CCDC138: variants seen among roughly 807,000 people sequenced by gnomAD.
CCDC138 encodes coiled-coil domain-containing protein 138.
CCDC138 carries 66 observed loss-of-function variants against 82.3 expected under a neutral mutation model. The ratio of observed to expected loss-of-function variants is 0.80; its 90% CI spans 0.66 to 0.98. The LOEUF (loss-of-function observed/expected upper bound fraction) is 0.98, where lower values mean the gene tolerates loss of function less well. CCDC138 is among the 50% of genes least tolerant of loss of function. The pLI is 0.00. For synonymous variants in CCDC138, 297 were observed against 265.4 expected (o/e 1.12, Z -1.16); for missense variants, 816 against 758.9 (o/e 1.08, Z -0.88).
rs544133837 is a variant in CCDC138, at chr2:108,855,493, A to G, written c.1517-1301A>G. 2.6e-5 allele frequency among the ~76,000 whole-genome samples: 4 copies of G among 152,274 alleles called. No individual in the cohort carries two copies. The East Asian group carries it at 7.7e-4, about 29-fold the overall frequency. ...CTTCTACCTGTGGTGTTGCTAAAAA[A>G]AAAAAAAGGATGTTTCTAAATAAGG... On this transcript the variant is annotated intron_variant, in intron 12 of 14. Coordinates refer to ENST00000295124, the MANE Select transcript of CCDC138 (RefSeq NM_144978.3).
At position 108,808,614 on chromosome 2, in the gene CCDC138, TA is replaced by T. The variant is rs1380700639; in HGVS notation, c.855+3607del. 8.5e-5 allele frequency among the ~76,000 whole-genome samples: 13 copies of T among 152,354 alleles called. No individual in the cohort carries two copies. The East Asian group carries it at 2.5e-3, about 29-fold the overall frequency. Reference sequence around the variant, plus strand: ...TTTGCATTAACCTGATGATTAGTGATATTGAGCATTTTTTCATATACCTGTT... The same window carrying T: ...TTTGCATTAACCTGATGATTAGTGATTTGAGCATTTTTTCATATACCTGTT... On this transcript the variant is annotated intron_variant, in intron 7 of 14. Coordinates refer to ENST00000295124, the MANE Select transcript of CCDC138 (RefSeq NM_144978.3).
Position 108,786,814 on chromosome 2 carries a change from C to T in CCDC138, c.-9C>T. 1 of 1,584,982 alleles carries T rather than the reference C, an allele frequency of 6.3e-7. No homozygotes were observed. Among genetic ancestry groups the T allele is most frequent in the Non-Finnish European group, 8.6e-7 (1 of 1,166,474 alleles). ...GTTCCCGGGGAGACTGGTACGGTTG[C>T]TGTGTGCTATGGAGCCGAGGGTCGT... On this transcript the variant is annotated 5_prime_UTR_variant, in exon 1 of 15. Coordinates refer to ENST00000295124, the MANE Select transcript of CCDC138 (RefSeq NM_144978.3).
chr2:108,833,754 G>A (rs975193673), intron 10 of CCDC138, among the ~76,000 whole-genome samples: 5 of 138,710 alleles, frequency 3.6e-5, no homozygotes, highest in Non-Finnish European at 7.6e-5. Context: ...TTGAGACGGA[G>A]TCTTGCTTTG....
intron 5 of CCDC138, among the ~76,000 whole-genome samples, chr2:108,797,671 G>A (rs1212384214): frequency 6.6e-6 from 1 of 152,078 alleles, no homozygotes; most frequent in Non-Finnish European, 1.5e-5. Flanking sequence ...TTTTAATGAG[G>A]GAAGGAGAAG....
chr2:108,875,697 A>C (rs148736709), intron 14 of CCDC138, among the ~76,000 whole-genome samples: 147 of 152,138 alleles, frequency 9.7e-4, no homozygotes, highest in African/African-American at 3.3e-3. Flanking sequence ...GTCTCTACAA[A>C]AAATAAACAA....
At chr2:108,799,763 T>C (rs1681584044) in intron 6 of CCDC138, among the ~76,000 whole-genome samples, 1 of 152,198 alleles carries the variant, frequency 6.6e-6, no homozygotes, top group South Asian at 2.1e-4. Context: ...CAGTGACTCC[T>C]TGTGCTATTT....
chr2:108,865,062 A>G (rs1035105893), intron 13 of CCDC138, among the ~76,000 whole-genome samples: 5 of 152,172 alleles, frequency 3.3e-5, no homozygotes, highest in African/African-American at 1.2e-4. Context: ...GGAGGGAACA[A>G]CTGCAGACAC....
intron 14 of CCDC138, among the ~76,000 whole-genome samples, chr2:108,873,834 A>G (rs1032164518): frequency 1.3e-5 from 2 of 152,182 alleles, no homozygotes. Context: ...CCTGGGCCGC[A>G]TGCAGCCCAT....
At chr2:108,809,969 C>A (rs1464820132) in intron 7 of CCDC138, among the ~76,000 whole-genome samples, 2 of 152,118 alleles carry the variant, frequency 1.3e-5, no homozygotes, top group African/African-American at 4.8e-5. Flanking sequence ...CCACATCTGG[C>A]CAATTTTTGT....
At chr2:108,855,359 C>G (rs1230217382) in intron 12 of CCDC138, among the ~76,000 whole-genome samples, 1 of 152,064 alleles carries the variant, frequency 6.6e-6, no homozygotes, top group Non-Finnish European at 1.5e-5. Context: ...CCTGTTTAAT[C>G]TTGTCAAATT....
intron 13 of CCDC138, among the ~76,000 whole-genome samples, chr2:108,860,935 C>CTTGTTTTTTTTTTTT (rs1693477379): frequency 2.6e-5 from 1 of 37,914 alleles, no homozygotes; most frequent in Non-Finnish European, 4.4e-5. Flanking sequence ...TGGTCCAGGA[C>CTTGTTTTTTTTTTTT]TTTTTTTTTT....
intron 10 of CCDC138, among the ~76,000 whole-genome samples, chr2:108,827,999 G>A (rs899099597): frequency 2.6e-5 from 4 of 151,842 alleles, no homozygotes; most frequent in African/African-American, 9.7e-5. Context: ...AACAGAACGT[G>A]ACCACAAAAA....
intron 10 of CCDC138, among the ~76,000 whole-genome samples, chr2:108,833,495 A>C (rs1467181177): frequency 6.6e-6 from 1 of 152,238 alleles, no homozygotes; most frequent in Non-Finnish European, 1.5e-5. Flanking sequence ...ACCTCAAAGA[A>C]GACAATGCCA....
At chr2:108,787,447 G>C (rs1679061693) in intron 1 of CCDC138, among the ~76,000 whole-genome samples, 1 of 152,102 alleles carries the variant, frequency 6.6e-6, no homozygotes. Flanking sequence ...CCTCTGAATA[G>C]AAATAACTTG....
chr2:108,815,579 C>T (rs1203932996), intron 9 of CCDC138, among the ~76,000 whole-genome samples: 3 of 150,600 alleles, frequency 2.0e-5, no homozygotes, highest in African/African-American at 4.9e-5. Flanking sequence ...GATTCTCCTC[C>T]CTCAGCCTTC....
intron 10 of CCDC138, among the ~76,000 whole-genome samples, chr2:108,818,766 T>TC (rs754860408): frequency 4.1e-4 from 62 of 152,206 alleles, no homozygotes; most frequent in Middle Eastern, 3.4e-3. Flanking sequence ...CTAGTATAAC[T>TC]CAAAATATTT....
intron 1 of CCDC138, among the ~76,000 whole-genome samples, chr2:108,787,641 T>C (rs2149361815): frequency 6.6e-6 from 1 of 152,290 alleles, no homozygotes; most frequent in African/African-American, 2.4e-5. Context: ...CGAGCATTGA[T>C]TGTATTTGAT....
intron 10 of CCDC138, among the ~76,000 whole-genome samples, chr2:108,820,488 A>C (rs1216658315): frequency 6.6e-6 from 1 of 152,076 alleles, no homozygotes; most frequent in African/African-American, 2.4e-5. Flanking sequence ...AGTTCAAGAA[A>C]CTCAAGGAAC....
At chr2:108,829,238 G>A (rs1421875235) in intron 10 of CCDC138, among the ~76,000 whole-genome samples, 7 of 152,108 alleles carry the variant, frequency 4.6e-5, no homozygotes, top group African/African-American at 1.4e-4. Context: ...TATCTGACAA[G>A]CGATTGCTAC....
Sources: allele counts gnomAD v4.1 joint callset (sites outside exome capture counted in the v4.1 genomes callset), GRCh38; gene constraint gnomAD v4.1.1; transcripts MANE v1.5; gene names NCBI Gene and HGNC (gene_info 2026-07-23, HGNC 2026-07-21).